SV2B: variants seen among roughly 807,000 people sequenced by gnomAD.
SV2B encodes the protein solute carrier family 22 member B2.
SV2B carries 41 observed loss-of-function variants against 73.9 expected under a neutral mutation model. That is an observed-to-expected ratio of 0.56 (90% CI 0.43 to 0.72). SV2B has a LOEUF of 0.72. SV2B is among the 30% of genes least tolerant of loss of function. SV2B has a pLI of 0.00. For synonymous variants in SV2B, 314 were observed against 314.2 expected, an observed-to-expected ratio of 1.00 and a Z score of 0.01; for missense variants, 764 against 857.8, an observed-to-expected ratio of 0.89 and a Z score of 1.37.
In SV2B at chr15:91,281,046, G is replaced by A. The variant is rs529156765; in HGVS notation, c.1374-682G>A. Among the ~76,000 whole-genome samples the A allele has an allele frequency of 1.7e-4, 26 of 152,168 alleles. No homozygotes were observed. Among genetic ancestry groups the A allele is most frequent in the African/African-American group, 5.5e-4 (23 of 41,492 alleles). ...TGGCTACATGGTATTCCATTATATG[G>A]CATCTATTACATATGTATGTATGTA... is the stretch of plus-strand genomic sequence containing the variant. On this transcript the variant is annotated intron_variant, in intron 9 of 12. Coordinates refer to ENST00000394232, the MANE Select transcript of SV2B (RefSeq NM_001323032.3). The surrounding 1 kb of genome is among the most constrained non-coding windows in gnomAD (Gnocchi z 4.7).
Position 91,231,621 on chromosome 15 carries a change from AC to A in SV2B, c.451+4909del, listed in dbSNP as rs1007179469. On this transcript the variant is annotated intron_variant, in intron 2 of 12. Transcript: ENST00000394232. The surrounding 1 kb of genome is among the most constrained non-coding windows in gnomAD (Gnocchi z 4.5). ...TTCTGCCTGCATTTGATAAATTGAC[AC>A]CAATTTTTCACAACTGCAAATAAGC... Among the ~76,000 whole-genome samples the A allele has an allele frequency of 4.6e-5, 7 of 152,240 alleles. No homozygotes were observed. Among genetic ancestry groups the A allele is most frequent in the Admixed American group, 4.6e-4 (7 of 15,302 alleles).
At chr15:91,237,599 G>A (rs553546582) in intron 2 of SV2B, among the ~76,000 whole-genome samples, 41 of 152,354 alleles carry the variant, frequency 2.7e-4, no homozygotes, top group African/African-American at 9.6e-4. Flanking sequence ...TGACACTATT[G>A]TACAGCCAGA....
In SV2B at chr15:91,276,799, G is replaced by GTTATTATTATTA. The variant is rs1290710147; in HGVS notation, c.1374-4927_1374-4926insATTATTATTATT. On this transcript the variant is annotated intron_variant, in intron 9 of 12. Transcript: ENST00000394232. ...TGATAGTTCCAGTATTTATATTATTGTTGTTGTTATTATTATTATTATTAT... is the reference window on the plus strand; with the variant it reads ...TGATAGTTCCAGTATTTATATTATTGTTATTATTATTATTGTTGTTATTATTATTATTATTAT... Among the ~76,000 whole-genome samples, 311 of 77,338 alleles carry GTTATTATTATTA rather than the reference G, an allele frequency of 4.0e-3. 1 individual carries two copies. The highest frequency in any genetic ancestry group is 0.018 in the African/African-American group (287 of 15,862). The allele number at this position is 77,338 out of a possible 152,430, so 50.7% of individuals were successfully genotyped here.
At position 91,240,177 on chromosome 15, in the gene SV2B, G is replaced by T. The variant is rs1344452496; in HGVS notation, c.452-11642G>T. On this transcript the variant is annotated intron_variant, in intron 2 of 12. Coordinates refer to ENST00000394232, the MANE Select transcript of SV2B (RefSeq NM_001323032.3). The surrounding 1 kb of genome is among the most constrained non-coding windows in gnomAD (Gnocchi z 4.6). ...GCAGGCACAAGGTTTTTAAAGATAG[G>T]CTGTTTGACTTCATATCTTGGCTAC... is the stretch of plus-strand genomic sequence containing the variant. Among the ~76,000 whole-genome samples the T allele has an allele frequency of 1.3e-5, 2 of 152,182 alleles. No homozygotes were observed. Among genetic ancestry groups the T allele is most frequent in the African/African-American group, 4.8e-5 (2 of 41,426 alleles).
At position 91,240,252 on chromosome 15, in the gene SV2B, G is replaced by T. The variant is rs754627321; in HGVS notation, c.452-11567G>T. ...AAGTAACTTAACCTCCCTAACCTTG[G>T]TTTCTTAATGTGTGATATTAAAATA... On this transcript the variant is annotated intron_variant, in intron 2 of 12. Transcript: ENST00000394232. The surrounding 1 kb of genome is among the most constrained non-coding windows in gnomAD (Gnocchi z 4.6). 2.0e-5 allele frequency among the ~76,000 whole-genome samples: 3 copies of T among 152,048 alleles called. No individual in the cohort carries two copies. In the East Asian group the frequency reaches 5.8e-4, roughly 29 times the overall value.
chr15:91,101,379 C>G (rs1453887445), intron 1 of SV2B, among the ~76,000 whole-genome samples: 1 of 152,068 alleles, frequency 6.6e-6, no homozygotes, highest in Non-Finnish European at 1.5e-5. Context: ...CCAGTTGGTG[C>G]AGTAGGTACA....
chr15:91,215,013 C>T (rs1287259985), intron 1 of SV2B, among the ~76,000 whole-genome samples: 3 of 152,214 alleles, frequency 2.0e-5, no homozygotes, highest in Admixed American at 6.5e-5. Context: ...AAACGGCCTT[C>T]GCAGGCATCC....
intron 1 of SV2B, among the ~76,000 whole-genome samples, chr15:91,164,282 G>A (rs887045416): frequency 1.3e-5 from 2 of 152,106 alleles, no homozygotes; most frequent in Admixed American, 6.6e-5. Flanking sequence ...AAAAGAGCCC[G>A]CATTGCCAAG....
intron 5 of SV2B, among the ~76,000 whole-genome samples, chr15:91,259,789 G>T (rs73520042): frequency 0.14 from 21,701 of 152,094 alleles, 3,366 homozygotes; most frequent in African/African-American, 0.39. Flanking sequence ...TCCATATGGA[G>T]GTCTTCCTAT....
intron 12 of SV2B, 78 bp from the exon 13 acceptor site, chr15:91,292,291 T>C: frequency 2.1e-6 from 3 of 1,422,980 alleles, no homozygotes; most frequent in Non-Finnish European, 2.9e-6. Context: ...CCCCCTGCAA[T>C]AAGGAAAAGA....
rs967250156 is a variant in SV2B at position 91,294,884 on chromosome 15, A to G, written c.*2332A>G. 3 of 152,652 alleles carry G rather than the reference A, an allele frequency of 2.0e-5. No individual in the cohort carries two copies. The highest frequency in any genetic ancestry group is 2.9e-5 in the Non-Finnish European group (2 of 68,054). 9.5% of individuals were successfully genotyped at this position (152,652 alleles called of 1,614,324 possible). On this transcript the variant is annotated 3_prime_UTR_variant, in exon 13 of 13. Coordinates refer to ENST00000394232, the MANE Select transcript of SV2B (RefSeq NM_001323032.3). The surrounding 1 kb of genome is among the most constrained non-coding windows in gnomAD (Gnocchi z 4.1). ...ATCAAGGGCAATTCCCATCTCATCC[A>G]TCACTCAGGTCTTTGTAAAGGGTGC...
chr15:91,170,288 A>ATT (rs141011816), intron 1 of SV2B, among the ~76,000 whole-genome samples: 5 of 151,584 alleles, frequency 3.3e-5, no homozygotes, highest in Non-Finnish European at 2.9e-5. Flanking sequence ...GATTTGTTGG[A>ATT]TTTTTTTTGT....
Position 91,293,585 on chromosome 15 carries a change from T to C in SV2B, c.*1033T>C, listed in dbSNP as rs776117509. ...TTACTTTGCCACTACCCAAAAACAATGTGAGATGTGTTCAGTGGCCTCTGG... is the reference window on the plus strand; with the variant it reads ...TTACTTTGCCACTACCCAAAAACAACGTGAGATGTGTTCAGTGGCCTCTGG... On this transcript the variant is annotated 3_prime_UTR_variant, in exon 13 of 13. Coordinates refer to ENST00000394232, the MANE Select transcript of SV2B (RefSeq NM_001323032.3). 4.6e-5 allele frequency: 7 copies of C among 152,172 alleles called. No homozygotes were observed. The highest frequency in any genetic ancestry group is 7.3e-5 in the Non-Finnish European group (5 of 68,028). 9.4% of individuals were successfully genotyped at this position (152,172 alleles called of 1,614,324 possible).
In SV2B at chr15:91,110,588, C is replaced by T. The variant is rs766511747; in HGVS notation, c.-392+10225C>T. Among the ~76,000 whole-genome samples the T allele has an allele frequency of 6.6e-5, 10 of 152,160 alleles. No homozygotes were observed. Among genetic ancestry groups the T allele is most frequent in the Non-Finnish European group, 1.5e-4 (10 of 68,020 alleles). ...GCCTGATCTGGGGTGCAGCAGATGG[C>T]GCCGAGGAATGGAGCCCAGCTGGCA... On this transcript the variant is annotated intron_variant, in intron 1 of 12. Coordinates refer to ENST00000394232, the MANE Select transcript of SV2B (RefSeq NM_001323032.3). This position sits in a 1 kb window ranked among gnomAD's most constrained non-coding sequence, Gnocchi z 5.4.
At position 91,229,335 on chromosome 15, in the gene SV2B, C is replaced by T. The variant is rs8034168; in HGVS notation, c.451+2621C>T. Among the ~76,000 whole-genome samples the T allele has an allele frequency of 0.35, 53,236 of 152,024 alleles. 14,157 individuals are homozygous for T. The highest frequency in any genetic ancestry group is 0.75 in the African/African-American group (31,234 of 41,454). ...GGTGTTTCCATCTGTAGAATAAGAGCAGTAATGCAGTGCTGTGAGGACTAA... is the reference window on the plus strand; with the variant it reads ...GGTGTTTCCATCTGTAGAATAAGAGTAGTAATGCAGTGCTGTGAGGACTAA... On this transcript the variant is annotated intron_variant, in intron 2 of 12. Coordinates refer to ENST00000394232, the MANE Select transcript of SV2B (RefSeq NM_001323032.3). This position sits in a 1 kb window ranked among gnomAD's most constrained non-coding sequence, Gnocchi z 4.3.
intron 4 of SV2B, among the ~76,000 whole-genome samples, chr15:91,255,396 C>T (rs982167544): frequency 6.6e-6 from 1 of 152,158 alleles, no homozygotes; most frequent in Non-Finnish European, 1.5e-5. Context: ...CGTATGTTCT[C>T]ACTCATAAGT....
intron 9 of SV2B, among the ~76,000 whole-genome samples, chr15:91,275,756 G>T (rs1040422006): frequency 1.3e-5 from 2 of 152,130 alleles, no homozygotes; most frequent in Admixed American, 1.3e-4. Context: ...AACCTGGAAG[G>T]TGAAGGTTGC....
chr15:91,285,289 C>T (rs535444061), intron 11 of SV2B, among the ~76,000 whole-genome samples: 2 of 152,282 alleles, frequency 1.3e-5, no homozygotes, highest in East Asian at 3.9e-4. Flanking sequence ...AGGGTGGAGT[C>T]ATCTCTTAGA....
Position 91,289,499 on chromosome 15 carries a change from T to C in SV2B, c.1709-22T>C. The C allele has an allele frequency of 6.2e-7, 1 of 1,614,120 alleles. No homozygotes were observed. The highest frequency in any genetic ancestry group is 8.5e-7 in the Non-Finnish European group (1 of 1,179,994). On this transcript the variant is annotated intron_variant, in intron 11 of 12. Transcript: ENST00000394232. This position sits in a 1 kb window ranked among gnomAD's most constrained non-coding sequence, Gnocchi z 4.9. ...AAGACACAGGCCTCATGTTTCTTTT[T>C]GCCCTTGAACTCCCTCTGCAGGTGG...
Sources: allele counts gnomAD v4.1 joint callset (sites outside exome capture counted in the v4.1 genomes callset), GRCh38; gene constraint gnomAD v4.1.1; non-coding constraint Gnocchi (gnomAD v3.1); transcripts MANE v1.5; gene names NCBI Gene and HGNC (gene_info 2026-07-23, HGNC 2026-07-21).